The following VAT1 variants were observed in gnomAD, a reference collection of about 807,000 sequenced individuals.
VAT1 encodes the protein vesicle amine transport 1.
VAT1 carries 24 observed loss-of-function variants against 33.3 expected under a neutral mutation model. The ratio of observed to expected loss-of-function variants is 0.72; its 90% CI spans 0.52 to 1.01. The LOEUF (loss-of-function observed/expected upper bound fraction) is 1.01. VAT1 is among the 50% of genes least tolerant of loss of function. The pLI, the probability that VAT1 is intolerant of heterozygous loss-of-function variation, is 0.00. For synonymous variants in VAT1, 212 were observed against 225.0 expected, an observed-to-expected ratio of 0.94 and a Z score of 0.52; for missense variants, 436 against 533.7, an observed-to-expected ratio of 0.82 and a Z score of 1.80.
In VAT1 at chr17:43,016,313, G is replaced by A. The variant is rs34662595; in HGVS notation, c.1092C>T (p.Phe364=). 1.1e-3 allele frequency: 1,790 copies of A among 1,608,468 alleles called. 20 individuals are homozygous for A. The African/African-American group carries it at 0.022, about 19-fold the overall frequency. Residue 364 remains phenylalanine (F), a synonymous_variant, in exon 5 of 6, where the codon TTC becomes TTT. Coordinates refer to ENST00000355653, the MANE Select transcript of VAT1 (RefSeq NM_006373.4). ...GCAAAGTCCTCACATTCACCTTCTC[G>A]AAGGGCCAGACTGAGTCAATGTGGG... The part of the protein sequence containing the change: ...IKPHIDSVWP[F]EKVADAMKQM...
chr17:43,020,148 C>T (rs2050554631), intron 1 of VAT1: 1 of 985,316 alleles, frequency 1.0e-6, no homozygotes, highest in Admixed American at 6.2e-5. Flanking sequence ...CTTACCCTGG[C>T]TCATGCTAAC....
intron 1 of VAT1, chr17:43,020,147 G>A: frequency 6.1e-6 from 6 of 985,352 alleles, no homozygotes; most frequent in Non-Finnish European, 7.2e-6. Context: ...ACTTACCCTG[G>A]CTCATGCTAA....
intron 4 of VAT1, among the ~76,000 whole-genome samples, chr17:43,017,563 C>T (rs1334907607): frequency 9.9e-6 from 1 of 100,824 alleles, no homozygotes; most frequent in Non-Finnish European, 1.8e-5. Flanking sequence ...GCCTGGGCGA[C>T]AAGAGCGAAA....
chr17:43,018,998 C>T (rs537061571), intron 1 of VAT1, 199 bp from the exon 2 acceptor site: 30 of 626,734 alleles, frequency 4.8e-5, no homozygotes, highest in African/African-American at 7.4e-5. Context: ...GACTGAGGGC[C>T]GAGCCCGATT....
chr17:43,018,280 G>A, intron 2 of VAT1, 74 bp from the exon 3 acceptor site: 1 of 1,508,160 alleles, frequency 6.6e-7, no homozygotes, highest in Admixed American at 1.9e-5. Context: ...AGCCTCCCAG[G>A]GACTCAGCCT....
chr17:43,022,332 T>C lies in VAT1; in HGVS notation c.-10A>G. 6.5e-7 allele frequency: 1 copy of C among 1,550,084 alleles called. No individual in the cohort carries two copies. Among genetic ancestry groups the C allele is most frequent in the Non-Finnish European group, 8.7e-7 (1 of 1,151,728 alleles). On this transcript the variant is annotated 5_prime_UTR_variant, in exon 1 of 6. Coordinates refer to ENST00000355653, the MANE Select transcript of VAT1 (RefSeq NM_006373.4). ...CTCTCTCGTCGGACATGGCTGGGACTCCCGACGAGAGCGCACAGCTGGATG... is the reference window on the plus strand; with the variant it reads ...CTCTCTCGTCGGACATGGCTGGGACCCCCGACGAGAGCGCACAGCTGGATG...
chr17:43,016,991 C>T (rs1262792880), intron 4 of VAT1, among the ~76,000 whole-genome samples: 1 of 146,616 alleles, frequency 6.8e-6, no homozygotes, highest in Non-Finnish European at 1.5e-5. Flanking sequence ...ATGGAGAAAC[C>T]CCGTCTCTAC....
intron 1 of VAT1, among the ~76,000 whole-genome samples, chr17:43,021,620 G>T (rs74810890): frequency 1.6e-3 from 183 of 115,114 alleles, no homozygotes; most frequent in Non-Finnish European, 2.1e-3. Context: ...GGGGGGGGGG[G>T]GGGGTGGGGA....
At chr17:43,018,883 C>G in intron 1 of VAT1, 84 bp from the exon 2 acceptor site, 1 of 1,337,148 alleles carries the variant, frequency 7.5e-7, no homozygotes, top group Non-Finnish European at 1.0e-6. Flanking sequence ...TACAAGGCTA[C>G]CTTCTTCCAA....
intron 4 of VAT1, 27 bp from the exon 5 acceptor site, chr17:43,016,575 GA>G (rs1182410245): frequency 6.2e-7 from 1 of 1,609,642 alleles, no homozygotes; most frequent in African/African-American, 1.3e-5. Flanking sequence ...CATAGCCTGT[GA>G]ACCCCCCCAG....
intron 4 of VAT1, 30 bp from the exon 5 acceptor site, chr17:43,016,578 C>T (rs771021229): frequency 5.2e-5 from 83 of 1,605,718 alleles, no homozygotes; most frequent in Non-Finnish European, 6.8e-5. Flanking sequence ...AGCCTGTGAA[C>T]CCCCCCAGGC....
intron 1 of VAT1, among the ~76,000 whole-genome samples, chr17:43,019,251 T>C (rs1456598560): frequency 1.3e-5 from 2 of 152,216 alleles, no homozygotes; most frequent in Non-Finnish European, 2.9e-5. Context: ...CTTAATCTTT[T>C]TGAGCTCCAC....
chr17:43,019,830 G>A (rs986445825), intron 1 of VAT1, among the ~76,000 whole-genome samples: 2 of 152,138 alleles, frequency 1.3e-5, no homozygotes, highest in Non-Finnish European at 2.9e-5. Context: ...CTTGATCCCT[G>A]CCAGGAATGA....
chr17:43,020,902 G>GAAAAAGA (rs2050561800), intron 1 of VAT1, among the ~76,000 whole-genome samples: 1 of 140,652 alleles, frequency 7.1e-6, no homozygotes, highest in African/African-American at 2.6e-5. Context: ...AAAAGAAAAA[G>GAAAAAGA]AAAAAAAAAA....
chr17:43,022,005 C>A lies in VAT1; in HGVS notation c.318G>T (p.Leu106=), dbSNP rs2050573764. Residue 106 remains leucine, a synonymous_variant, in exon 1 of 6, where the codon CTG becomes CTT. Transcript: ENST00000355653. ...RQGLYDRLPP[L]PVTPGMEGAG... ...CGCCCTCCATGCCCGGAGTGACAGG[C>A]AGAGGCGGGAGACGGTCGTACAGCC... is the stretch of plus-strand genomic sequence containing the variant. The A allele has an allele frequency of 6.2e-7, 1 of 1,609,336 alleles. No homozygotes were observed.
At chr17:43,020,230 G>A in intron 1 of VAT1, 3 of 985,408 alleles carry the variant, frequency 3.0e-6, no homozygotes, top group Non-Finnish European at 3.6e-6. Context: ...GAGGGAGAGA[G>A]AGGGAAGGGC....
At chr17:43,020,905 A>T (rs997809323) in intron 1 of VAT1, among the ~76,000 whole-genome samples, 3 of 151,840 alleles carry the variant, frequency 2.0e-5, no homozygotes, top group Non-Finnish European at 4.4e-5. Flanking sequence ...AGAAAAAGAA[A>T]AAAAAAAGAA....
chr17:43,017,715 G>T, intron 4 of VAT1, 126 bp downstream of exon 4: 2 of 770,372 alleles, frequency 2.6e-6, no homozygotes, highest in Admixed American at 2.4e-5. Context: ...TCCTAACCCT[G>T]ATCGTCTACA....
rs1411820484 is a variant in VAT1 at position 43,018,698 on chromosome 17, A to G, written c.489T>C (p.Phe163=). The G allele has an allele frequency of 1.2e-6, 2 of 1,614,182 alleles. No individual in the cohort carries two copies. Among genetic ancestry groups the G allele is most frequent in the South Asian group, 2.2e-5 (2 of 91,076 alleles). The change falls in exon 2 of 6, where the codon TTT becomes TTC. Residue 163 remains phenylalanine, a synonymous_variant. Coordinates refer to ENST00000355653, the MANE Select transcript of VAT1 (RefSeq NM_006373.4). Reference sequence around the variant, plus strand: ...TGACGAGCAAGGCAGCAGCTTCCTCAAAGGTCATGGCCTCAGGAATCAGGA... The same window carrying G: ...TGACGAGCAAGGCAGCAGCTTCCTCGAAGGTCATGGCCTCAGGAATCAGGA... ...QTFLIPEAMT[F]EEAAALLVNY...
Sources: gnomAD v4.1 joint callset for allele counts (sites outside exome capture counted in the v4.1 genomes callset) on GRCh38, gnomAD v4.1.1 for gene constraint, MANE v1.5 for transcripts, NCBI Gene and HGNC (gene_info 2026-07-23, HGNC 2026-07-21) for gene names.